Variants in ADCY9 observed in about 807,000 individuals in gnomAD.
ADCY9 encodes adenylate cyclase 9.
ADCY9 carries 50 observed loss-of-function variants against 101.5 expected under a neutral mutation model. The ratio of observed to expected loss-of-function variants is 0.49; its 90% CI spans 0.39 to 0.62. The LOEUF (loss-of-function observed/expected upper bound fraction) is 0.62. Among genes scored for constraint, ADCY9 ranks in the 20% least tolerant of loss-of-function variants. ADCY9 has a pLI of 0.00. For synonymous variants in ADCY9, 905 were observed against 769.3 expected (o/e 1.18, Z -2.92); for missense variants, 1,662 against 1,800.4 (o/e 0.92, Z 1.39).
intron 6 of ADCY9, among the ~76,000 whole-genome samples, chr16:3,986,154 T>C (rs4786450): frequency 0.2 from 30,313 of 152,240 alleles, 3,672 homozygotes; most frequent in Non-Finnish European, 0.27. Context: ...TTAGCTATGA[T>C]ACCCACGCGT....
chr16:3,987,410 G>C (rs957471068), intron 6 of ADCY9, among the ~76,000 whole-genome samples: 2 of 152,224 alleles, frequency 1.3e-5, no homozygotes, highest in Non-Finnish European at 2.9e-5. Flanking sequence ...CCGGACGCCT[G>C]GTTTGGCAGC....
At chr16:4,048,035 C>G (rs1008399136) in intron 2 of ADCY9, among the ~76,000 whole-genome samples, 1 of 151,914 alleles carries the variant, frequency 6.6e-6, no homozygotes, top group Non-Finnish European at 1.5e-5. Flanking sequence ...ACAAGAGGAC[C>G]CAGTTCTCCT....
chr16:4,020,618 T>A (rs2056468835), intron 2 of ADCY9, among the ~76,000 whole-genome samples: 1 of 151,886 alleles, frequency 6.6e-6, no homozygotes, highest in East Asian at 1.9e-4. Flanking sequence ...GGCCAGGAGT[T>A]CGAGACCAGC....
At chr16:4,039,679 CAAA>C (rs35158886) in intron 2 of ADCY9, among the ~76,000 whole-genome samples, 1,660 of 64,590 alleles carry the variant, frequency 0.026, 39 homozygotes, top group African/African-American at 0.076. Flanking sequence ...AACTCTGTCT[CAAA>C]AAAAAAAAAA....
At chr16:4,069,467 G>T (rs953467345) in intron 2 of ADCY9, among the ~76,000 whole-genome samples, 1 of 151,818 alleles carries the variant, frequency 6.6e-6, no homozygotes, top group Middle Eastern at 3.2e-3. Flanking sequence ...ACTTGGTGCC[G>T]AGTCTGACAG....
chr16:4,059,124 G>C (rs756267120), intron 2 of ADCY9, among the ~76,000 whole-genome samples: 1 of 151,982 alleles, frequency 6.6e-6, no homozygotes, highest in Non-Finnish European at 1.5e-5. Flanking sequence ...GATGGCTCAC[G>C]CCTTTAATCC....
chr16:3,965,930 C>G lies in ADCY9; in HGVS notation c.3907G>C (p.Asp1303His). 1 of 1,614,172 alleles carries G rather than the reference C, an allele frequency of 6.2e-7. No individual in the cohort carries two copies. The highest frequency in any genetic ancestry group is 8.5e-7 in the Non-Finnish European group (1 of 1,180,032). Residue 1303 changes from aspartate to histidine, a missense_variant, in exon 11 of 11, where the codon GAT becomes CAT. Asp to His is a moderately conservative substitution (Grantham distance 81, BLOSUM62 -1). Transcript: ENST00000294016. ...LGSDSSTQAK[D>H]AHLSPKRPWK... ...GGTCTCTTGGGGGACAGGTGGGCAT[C>G]CTTGGCCTGCGTGCTGCTGTCAGAA...
intron 2 of ADCY9, among the ~76,000 whole-genome samples, chr16:4,069,163 T>C (rs2056818115): frequency 6.6e-6 from 1 of 152,214 alleles, no homozygotes; most frequent in Admixed American, 6.5e-5. Flanking sequence ...TCAGAGGGCC[T>C]GCGTTCCCTT....
chr16:4,071,402 G>A (rs2056834058), intron 2 of ADCY9, among the ~76,000 whole-genome samples: 1 of 147,464 alleles, frequency 6.8e-6, no homozygotes, highest in Non-Finnish European at 1.5e-5. Flanking sequence ...CTGGCATTGA[G>A]GCTTTTAAAA....
At chr16:4,057,457 C>T (rs529571533) in intron 2 of ADCY9, among the ~76,000 whole-genome samples, 1 of 152,326 alleles carries the variant, frequency 6.6e-6, no homozygotes, top group South Asian at 2.1e-4. Flanking sequence ...CACCCGGCTG[C>T]AGTGACACCA....
At chr16:4,080,681 C>T (rs1054461680) in intron 2 of ADCY9, among the ~76,000 whole-genome samples, 3 of 150,686 alleles carry the variant, frequency 2.0e-5, no homozygotes, top group South Asian at 2.1e-4. Flanking sequence ...AGAATCATGA[C>T]GGCGTTCTCC....
intron 2 of ADCY9, among the ~76,000 whole-genome samples, chr16:4,035,892 G>A (rs1158293636): frequency 6.6e-6 from 1 of 151,446 alleles, no homozygotes; most frequent in African/African-American, 2.4e-5. Flanking sequence ...CCAGCTACTT[G>A]GGAGGCTGAG....
chr16:4,021,091 T>C (rs954905658), intron 2 of ADCY9, among the ~76,000 whole-genome samples: 8 of 152,186 alleles, frequency 5.3e-5, no homozygotes, highest in African/African-American at 1.9e-4. Context: ...GCTTTTTATA[T>C]ACTATAAATT....
chr16:4,032,408 G>A (rs1440182317), intron 2 of ADCY9, among the ~76,000 whole-genome samples: 2 of 152,172 alleles, frequency 1.3e-5, no homozygotes, highest in Non-Finnish European at 2.9e-5. Flanking sequence ...TGGGTGGCTG[G>A]CTGTGCTCTC....
At chr16:4,014,884 C>G (rs913003283) in intron 2 of ADCY9, among the ~76,000 whole-genome samples, 1 of 150,910 alleles carries the variant, frequency 6.6e-6, no homozygotes, top group Non-Finnish European at 1.5e-5. Flanking sequence ...GCTGCCATCA[C>G]AGCCAAATGG....
At chr16:3,988,865 C>T (rs987355264) in intron 6 of ADCY9, 129 bp downstream of exon 6, 20 of 743,776 alleles carry the variant, frequency 2.7e-5, no homozygotes, top group Non-Finnish European at 4.0e-5. Flanking sequence ...TTAGGGTTTA[C>T]AGAGTGTGGG....
At chr16:4,060,965 G>C (rs1192878816) in intron 2 of ADCY9, among the ~76,000 whole-genome samples, 1 of 151,964 alleles carries the variant, frequency 6.6e-6, no homozygotes, top group East Asian at 1.9e-4. Context: ...CATGTTTAAA[G>C]AACTAAAGGA....
chr16:4,000,070 T>C (rs2056318937), intron 3 of ADCY9, among the ~76,000 whole-genome samples: 1 of 152,172 alleles, frequency 6.6e-6, no homozygotes, highest in Admixed American at 6.5e-5. Flanking sequence ...TTTTGCAAGA[T>C]GTCGTGTTAT....
At chr16:4,109,385 G>A (rs2141207977) in intron 2 of ADCY9, among the ~76,000 whole-genome samples, 1 of 152,280 alleles carries the variant, frequency 6.6e-6, no homozygotes, top group African/African-American at 2.4e-5. Flanking sequence ...ACAAGAGCAG[G>A]AATTGTTGTC....
Sources: allele counts gnomAD v4.1 joint callset (sites outside exome capture counted in the v4.1 genomes callset), GRCh38; gene constraint gnomAD v4.1.1; transcripts MANE v1.5; gene names NCBI Gene and HGNC (gene_info 2026-07-23, HGNC 2026-07-21).